Variants in PARD3B observed in about 807,000 individuals in gnomAD.
The protein encoded by PARD3B is partitioning defective 3 homolog B.
Under a neutral mutation model 130.2 loss-of-function variants are expected in PARD3B, and 103 were observed. That is an observed-to-expected ratio of 0.79 (90% confidence interval 0.67 to 0.93). PARD3B has a LOEUF of 0.93. Among genes scored for constraint, PARD3B ranks in the 40% least tolerant of loss-of-function variants. The probability of loss-of-function intolerance (pLI) is 0.00; values close to 1 mark genes in which losing one functional copy is unlikely to be tolerated. For missense variants in PARD3B, 1,609 were observed against 1,499.2 expected (o/e 1.07, Z -1.21); for synonymous variants, 583 against 553.2 (o/e 1.05, Z -0.76).
At chr2:204,761,175 G>C (rs1398627340) in intron 2 of PARD3B, among the ~76,000 whole-genome samples, 2 of 152,146 alleles carry the variant, frequency 1.3e-5, no homozygotes, top group African/African-American at 4.8e-5. Flanking sequence ...TCATTGTATG[G>C]CCAAGGATGA....
intron 4 of PARD3B, among the ~76,000 whole-genome samples, chr2:205,095,751 A>G (rs988735722): frequency 1.3e-5 from 2 of 152,148 alleles, no homozygotes; most frequent in Non-Finnish European, 2.9e-5. Context: ...TACCAAAAAT[A>G]AGCGATAAAA....
chr2:205,135,696 T>C (rs1191390066), intron 10 of PARD3B, among the ~76,000 whole-genome samples: 1 of 152,130 alleles, frequency 6.6e-6, no homozygotes, highest in Non-Finnish European at 1.5e-5. Flanking sequence ...CTTTTAAATA[T>C]GTTCTCATTA....
chr2:204,627,028 G>A (rs1204301642), intron 1 of PARD3B, among the ~76,000 whole-genome samples: 1 of 152,100 alleles, frequency 6.6e-6, no homozygotes, highest in African/African-American at 2.4e-5. Context: ...TCATGATAGT[G>A]AGTTCTCATG....
rs530058411 is a variant in PARD3B at position 205,415,420 on chromosome 2, G to A, written c.2741+14297G>A. ...CATTTTACAAAATGTTAAGAAATGG[G>A]CACTTAATTCTTGAGGAAACATAAC... On this transcript the variant is annotated intron_variant, in intron 19 of 22. Coordinates refer to ENST00000406610, the MANE Select transcript of PARD3B (RefSeq NM_001302769.2). Among the ~76,000 whole-genome samples, 56 of 152,200 alleles carry A rather than the reference G, an allele frequency of 3.7e-4. 1 individual carries two copies. In the South Asian group the frequency reaches 0.011, roughly 30 times the overall value.
intron 2 of PARD3B, among the ~76,000 whole-genome samples, chr2:204,798,991 G>C (rs2042470875): frequency 6.6e-6 from 1 of 151,970 alleles, no homozygotes; most frequent in South Asian, 2.1e-4. Flanking sequence ...CCTTATGCTT[G>C]AGGAAAGGAG....
At chr2:205,474,924 G>C (rs894186240) in intron 20 of PARD3B, among the ~76,000 whole-genome samples, 4 of 152,094 alleles carry the variant, frequency 2.6e-5, no homozygotes, top group Admixed American at 2.6e-4. Context: ...GCTCACGCCT[G>C]TTCCAAATTA....
chr2:204,925,920 C>T (rs1687582509), intron 2 of PARD3B, among the ~76,000 whole-genome samples: 2 of 152,054 alleles, frequency 1.3e-5, no homozygotes, highest in African/African-American at 4.8e-5. Context: ...TCTACCTTTG[C>T]TCCTCACTCC....
chr2:204,918,142 A>T (rs938339360), intron 2 of PARD3B, among the ~76,000 whole-genome samples: 9 of 152,256 alleles, frequency 5.9e-5, no homozygotes, highest in African/African-American at 2.2e-4. Flanking sequence ...ATGCTTACTT[A>T]AATTTGCAGA....
chr2:205,014,431 C>T (rs368648226), intron 3 of PARD3B, among the ~76,000 whole-genome samples: 70 of 152,172 alleles, frequency 4.6e-4, no homozygotes, highest in African/African-American at 1.6e-3. Context: ...AGGAGAACTG[C>T]AGCCAAGGGG....
Position 204,545,500 on chromosome 2 carries a change from C to T in PARD3B, c.-500C>T, listed in dbSNP as rs1422377769. 6.6e-6 allele frequency among the ~76,000 whole-genome samples: 1 copy of T among 152,014 alleles called. No homozygotes were observed. The highest frequency in any genetic ancestry group is 2.1e-4 in the South Asian group (1 of 4,834). ...ACCGCAGGAGCCCAGAGCGCGGGCGCCGCAGAGGAGTTGGGAGCCGGCGCA... is the reference window on the plus strand; with the variant it reads ...ACCGCAGGAGCCCAGAGCGCGGGCGTCGCAGAGGAGTTGGGAGCCGGCGCA... On this transcript the variant is annotated 5_prime_UTR_variant, in exon 1 of 23. Coordinates refer to ENST00000406610, the MANE Select transcript of PARD3B (RefSeq NM_001302769.2).
chr2:204,736,519 C>G (rs1294354488), intron 2 of PARD3B, among the ~76,000 whole-genome samples: 3 of 152,078 alleles, frequency 2.0e-5, no homozygotes, highest in South Asian at 2.1e-4. Flanking sequence ...TGAGGACATA[C>G]AGTTTTTGGT....
At chr2:205,067,289 T>C (rs1218212982) in intron 4 of PARD3B, among the ~76,000 whole-genome samples, 1 of 151,758 alleles carries the variant, frequency 6.6e-6, no homozygotes, top group Non-Finnish European at 1.5e-5. Flanking sequence ...AGCTCCTCAG[T>C]AGCTAAGACT....
intron 3 of PARD3B, among the ~76,000 whole-genome samples, chr2:204,965,784 G>A (rs1691188424): frequency 6.6e-6 from 1 of 151,790 alleles, no homozygotes; most frequent in Non-Finnish European, 1.5e-5. Flanking sequence ...CTTTTCTGAT[G>A]ATTTATTCAG....
intron 2 of PARD3B, among the ~76,000 whole-genome samples, chr2:204,713,390 G>A (rs910691461): frequency 4.2e-5 from 6 of 141,834 alleles, no homozygotes; most frequent in African/African-American, 1.9e-4. Context: ...AAAAAAATAG[G>A]TTTATTGGGA....
rs77779663 is a variant in PARD3B, at chr2:205,122,130, C to T, written c.1165+181C>T. Among the ~76,000 whole-genome samples, 7 of 151,994 alleles carry T rather than the reference C, an allele frequency of 4.6e-5. No homozygotes were observed. Among genetic ancestry groups the T allele is most frequent in the East Asian group, 1.9e-4 (1 of 5,162 alleles). ...AATTGTACTTTTTTATTCTTTTCTT[C>T]GGAGTGTATAGATTATTTTAAACAA... On this transcript the variant is annotated intron_variant, in intron 8 of 22. Coordinates refer to ENST00000406610, the MANE Select transcript of PARD3B (RefSeq NM_001302769.2). The surrounding 1 kb of genome is among the most constrained non-coding windows in gnomAD (Gnocchi z 4.3).
intron 18 of PARD3B, among the ~76,000 whole-genome samples, chr2:205,323,547 G>C (rs2042832096): frequency 6.6e-6 from 1 of 152,158 alleles, no homozygotes; most frequent in Non-Finnish European, 1.5e-5. Flanking sequence ...ATGAAAAGAA[G>C]CTAAGGACCA....
Position 205,105,191 on chromosome 2 carries a change from G to A in PARD3B, c.593+677G>A, listed in dbSNP as rs1258599782. Reference sequence around the variant, plus strand: ...GTTTCTAGTCTGTAGAATGGAAATAGTATTAAAATCTTATTCAGAGGGTTA... The same window carrying A: ...GTTTCTAGTCTGTAGAATGGAAATAATATTAAAATCTTATTCAGAGGGTTA... On this transcript the variant is annotated intron_variant, in intron 5 of 22. Transcript: ENST00000406610. This position sits in a 1 kb window ranked among gnomAD's most constrained non-coding sequence, Gnocchi z 4.0. Among the ~76,000 whole-genome samples the A allele has an allele frequency of 1.3e-5, 2 of 152,192 alleles. No individual in the cohort carries two copies. The highest frequency in any genetic ancestry group is 1.3e-4 in the Admixed American group (2 of 15,282).
chr2:205,311,240 C>T (rs777289766), intron 18 of PARD3B, among the ~76,000 whole-genome samples: 10 of 152,112 alleles, frequency 6.6e-5, no homozygotes, highest in Non-Finnish European at 1.2e-4. Flanking sequence ...TTTTGAGTAA[C>T]GGCCACACTG....
intron 4 of PARD3B, among the ~76,000 whole-genome samples, chr2:205,070,400 C>G (rs1285439009): frequency 6.6e-6 from 1 of 151,674 alleles, no homozygotes; most frequent in Non-Finnish European, 1.5e-5. Context: ...GTTGCTATGT[C>G]TTTTACATCT....
Sources: gnomAD v4.1 joint callset for allele counts (sites outside exome capture counted in the v4.1 genomes callset) on GRCh38, gnomAD v4.1.1 for gene constraint, Gnocchi (gnomAD v3.1) non-coding constraint, MANE v1.5 for transcripts, NCBI Gene and HGNC (gene_info 2026-07-23, HGNC 2026-07-21) for gene names.